Variants in FBXO47 observed in about 807,000 individuals in gnomAD.
FBXO47 encodes F-box only protein 47.
Under a neutral mutation model 53.9 loss-of-function variants are expected in FBXO47, and 34 were observed. The ratio of observed to expected loss-of-function variants is 0.63; its 90% CI spans 0.48 to 0.84. The LOEUF is 0.84. Among genes scored for constraint, FBXO47 ranks in the 40% least tolerant of loss-of-function variants. The pLI, the probability that FBXO47 is intolerant of heterozygous loss-of-function variation, is 0.00. For synonymous variants in FBXO47, 165 were observed against 181.6 expected (o/e 0.91, Z 0.73); for missense variants, 485 against 541.3 (o/e 0.90, Z 1.03).
intron 4 of FBXO47, 59 bp from the exon 5 acceptor site, chr17:38,954,992 G>T: frequency 8.0e-7 from 1 of 1,251,138 alleles, no homozygotes. Flanking sequence ...TGACAATGGT[G>T]GAACAATGGT....
intron 3 of FBXO47, among the ~76,000 whole-genome samples, chr17:38,957,658 G>A (rs1598147741): frequency 6.8e-6 from 1 of 147,926 alleles, no homozygotes; most frequent in Non-Finnish European, 1.5e-5. Flanking sequence ...TTTAAGAGTT[G>A]TTAATCTAAA....
chr17:38,943,515 A>C, intron 8 of FBXO47, 75 bp downstream of exon 8: 1 of 948,042 alleles, frequency 1.1e-6, no homozygotes, highest in Middle Eastern at 3.0e-4. Context: ...TACCTGTAGA[A>C]TTATCCTTAT....
At chr17:38,957,475 A>C (rs1905608580) in intron 3 of FBXO47, among the ~76,000 whole-genome samples, 3 of 152,160 alleles carry the variant, frequency 2.0e-5, no homozygotes, top group Admixed American at 1.3e-4. Context: ...CTTGGCATAA[A>C]ATCTTGCAAA....
intron 6 of FBXO47, among the ~76,000 whole-genome samples, chr17:38,947,043 TATATAA>T (rs1904964599): frequency 7.7e-6 from 1 of 129,272 alleles, no homozygotes; most frequent in African/African-American, 3.3e-5. Context: ...TATATGTAAA[TATATAA>T]AAACATATAT....
intron 3 of FBXO47, among the ~76,000 whole-genome samples, chr17:38,958,441 T>C (rs572614060): frequency 6.7e-6 from 1 of 149,892 alleles, no homozygotes; most frequent in Non-Finnish European, 1.5e-5. Flanking sequence ...GTTAAGAATG[T>C]ATAAGATTTT....
chr17:38,964,167 T>C (rs1905970689), intron 1 of FBXO47, among the ~76,000 whole-genome samples: 1 of 152,134 alleles, frequency 6.6e-6, no homozygotes, highest in Non-Finnish European at 1.5e-5. Context: ...CTTCTGTTAA[T>C]AATAGCTACT....
chr17:38,947,968 A>G (rs1172320126), intron 6 of FBXO47, among the ~76,000 whole-genome samples: 3 of 152,108 alleles, frequency 2.0e-5, no homozygotes, highest in Non-Finnish European at 4.4e-5. Flanking sequence ...CAAAAGCTTT[A>G]CTGAGATATA....
chr17:38,960,630 CTTTT>C (rs947161295), intron 3 of FBXO47, among the ~76,000 whole-genome samples: 5 of 132,514 alleles, frequency 3.8e-5, no homozygotes, highest in Admixed American at 7.8e-5. Flanking sequence ...AATTCTTTCT[CTTTT>C]TTTTTTTTTT....
chr17:38,959,980 A>AT (rs1294506147), intron 3 of FBXO47, among the ~76,000 whole-genome samples: 1 of 151,644 alleles, frequency 6.6e-6, no homozygotes, highest in Admixed American at 6.6e-5. Flanking sequence ...TAATTTTTTA[A>AT]TTTTTTGTAT....
At chr17:38,957,286 C>T (rs774762232) in intron 3 of FBXO47, 33 bp from the exon 4 acceptor site, 2 of 1,416,570 alleles carry the variant, frequency 1.4e-6, no homozygotes, top group South Asian at 2.3e-5. Flanking sequence ...GAAAAAATGA[C>T]AACAATACAA....
In FBXO47 at chr17:38,960,703, C is replaced by T. The variant is rs182675502; in HGVS notation, c.352+1174G>A. On this transcript the variant is annotated intron_variant, in intron 3 of 10. Coordinates refer to ENST00000378079, the MANE Select transcript of FBXO47 (RefSeq NM_001008777.3). ...CTGGAGTGCAGTGGCGTGACCTCGG[C>T]TCACTGCAACCTCCATCTCCTGGGT... Among the ~76,000 whole-genome samples, 5 of 148,616 alleles carry T rather than the reference C, an allele frequency of 3.4e-5. No homozygotes were observed. The Admixed American group carries it at 3.4e-4, about 10-fold the overall frequency.
chr17:38,953,968 T>C (rs1905431087), intron 5 of FBXO47, among the ~76,000 whole-genome samples: 1 of 152,138 alleles, frequency 6.6e-6, no homozygotes, highest in South Asian at 2.1e-4. Flanking sequence ...GTGCAGTGCC[T>C]GCCTCACAAG....
Position 38,946,917 on chromosome 17 carries a change from CAT to C in FBXO47, c.617-1783_617-1782del, listed in dbSNP as rs1281286935. Among the ~76,000 whole-genome samples the C allele has an allele frequency of 4.7e-3, 475 of 101,758 alleles. 24 individuals are homozygous for C. In the East Asian group the frequency reaches 0.091, roughly 19 times the overall value. The allele number at this position is 101,758 out of a possible 152,430, so 66.8% of individuals were successfully genotyped here. On this transcript the variant is annotated intron_variant, in intron 6 of 10. Transcript: ENST00000378079. ...ATAAACATATATAAATATATATAAA[CAT>C]ATATAAACATATAAATATATATAAA...
At chr17:38,942,088 T>C (rs1224085528) in intron 9 of FBXO47, among the ~76,000 whole-genome samples, 1 of 152,300 alleles carries the variant, frequency 6.6e-6, no homozygotes, top group Middle Eastern at 3.4e-3. Context: ...TTATCAATCT[T>C]ATTTCAACTC....
chr17:38,948,282 G>A (rs759761763), intron 6 of FBXO47, among the ~76,000 whole-genome samples: 11 of 143,450 alleles, frequency 7.7e-5, no homozygotes, highest in Non-Finnish European at 1.5e-4. Flanking sequence ...GTGTGATCTC[G>A]GCTCATTGCA....
At chr17:38,953,125 C>CA (rs1717913846) in intron 5 of FBXO47, among the ~76,000 whole-genome samples, 3 of 117,870 alleles carry the variant, frequency 2.5e-5, no homozygotes, top group Non-Finnish European at 5.1e-5. Flanking sequence ...AAAAAAAAAA[C>CA]CACACACACA....
At chr17:38,941,236 A>G (rs1378218607) in intron 9 of FBXO47, among the ~76,000 whole-genome samples, 1 of 151,380 alleles carries the variant, frequency 6.6e-6, no homozygotes, top group Non-Finnish European at 1.5e-5. Flanking sequence ...CAGTGGCATG[A>G]TCTGCTCACT....
intron 8 of FBXO47, 43 bp downstream of exon 8, chr17:38,943,547 C>T (rs1217064344): frequency 8.7e-6 from 11 of 1,267,918 alleles, no homozygotes; most frequent in Non-Finnish European, 1.2e-5. Flanking sequence ...TGCATTTTAA[C>T]AATAAATTTC....
chr17:38,949,241 A>G (rs913307123), intron 6 of FBXO47, among the ~76,000 whole-genome samples: 1 of 151,806 alleles, frequency 6.6e-6, no homozygotes, highest in Non-Finnish European at 1.5e-5. Flanking sequence ...ACATGGTGAA[A>G]CCCCATCACT....
Sources: allele counts gnomAD v4.1 joint callset (sites outside exome capture counted in the v4.1 genomes callset), GRCh38; gene constraint gnomAD v4.1.1; transcripts MANE v1.5; gene names NCBI Gene and HGNC (gene_info 2026-07-23, HGNC 2026-07-21).